The following KIF5B variants were observed in gnomAD, a reference collection of about 807,000 sequenced individuals.
KIF5B encodes kinesin family member 5B.
A neutral mutation model predicts 132.8 loss-of-function variants in KIF5B; 49 were observed. The observed-to-expected ratio is 0.37, with a 90% confidence interval of 0.29 to 0.47. The LOEUF is 0.47. Among genes scored for constraint, KIF5B ranks in the 20% least tolerant of loss-of-function variants. KIF5B has a pLI of 1.00. For synonymous variants in KIF5B, 355 were observed against 369.4 expected (o/e 0.96, Z 0.45); for missense variants, 780 against 1,144.0 (o/e 0.68, Z 4.59).
At chr10:32,019,185 G>C (rs1028532209) in intron 20 of KIF5B, among the ~76,000 whole-genome samples, 2 of 152,100 alleles carry the variant, frequency 1.3e-5, no homozygotes, top group African/African-American at 4.8e-5. Flanking sequence ...ATTAATTATA[G>C]ATTATAAACT....
At chr10:32,055,736 G>C in intron 1 of KIF5B, 112 bp downstream of exon 1, 10 of 1,391,580 alleles carry the variant, frequency 7.2e-6, no homozygotes, top group Non-Finnish European at 9.7e-6. Flanking sequence ...CGCCGGGGAG[G>C]GCTGGGGACA....
chr10:32,034,757 T>C lies in KIF5B; in HGVS notation c.1044A>G (p.Lys348=). The change falls in exon 11 of 26, where the codon AAA becomes AAG. Residue 348 remains lysine (K), a synonymous_variant. Transcript: ENST00000302418. ...EQWKKKYEKE[K]EKNKILRNTI... ...TGTTCCGCAGGATCTTATTTTTTTC[T>C]TTTTCTTTTTCATACTTCTTTTTCC... The C allele has an allele frequency of 1.2e-6, 2 of 1,610,204 alleles. No homozygotes were observed. Among genetic ancestry groups the C allele is most frequent in the Middle Eastern group, 1.7e-4 (1 of 5,974 alleles).
At chr10:32,015,390 T>C (rs757449614) in intron 25 of KIF5B, 119 bp downstream of exon 25, 10 of 694,846 alleles carry the variant, frequency 1.4e-5, no homozygotes, top group Non-Finnish European at 2.3e-5. Context: ...AAATTACTTT[T>C]ATAATGCTTA....
At chr10:32,011,998 T>C (rs1304582659) in intron 25 of KIF5B, among the ~76,000 whole-genome samples, 1 of 151,824 alleles carries the variant, frequency 6.6e-6, no homozygotes, top group Non-Finnish European at 1.5e-5. Flanking sequence ...AACAGTGAAA[T>C]AAATAATTCT....
intron 14 of KIF5B, among the ~76,000 whole-genome samples, chr10:32,029,313 C>A (rs562737730): frequency 6.6e-6 from 1 of 152,260 alleles, no homozygotes; most frequent in Admixed American, 6.5e-5. Context: ...TTGGACTTGC[C>A]AATTAGAAAT....
chr10:32,026,211 G>A (rs1302950883), intron 15 of KIF5B, among the ~76,000 whole-genome samples: 2 of 151,984 alleles, frequency 1.3e-5, no homozygotes, highest in East Asian at 3.9e-4. Flanking sequence ...GAGGTGGGCA[G>A]ATAAAGAGGT....
Position 32,018,644 on chromosome 10 carries a change from G to A in KIF5B, c.2307-82C>T, listed in dbSNP as rs1027984656. The A allele has an allele frequency of 3.6e-5, 36 of 1,010,044 alleles. No homozygotes were observed. In the African/African-American group the frequency reaches 4.0e-4, roughly 11 times the overall value. The allele number at this position is 1,010,044 out of a possible 1,614,324, so 62.6% of individuals were successfully genotyped here. A position where few individuals can be genotyped will look rare whatever the true frequency, so the allele number is the denominator to read the frequency against. On this transcript the variant is annotated intron_variant, in intron 20 of 25. Transcript: ENST00000302418. ...GCATGAGAGTTGAATAAAATATTTT[G>A]TGTCTGAAAGGATAAATTCTTAAAT...
chr10:32,039,516 C>A, intron 3 of KIF5B, 85 bp from the exon 4 acceptor site: 2 of 670,834 alleles, frequency 3.0e-6, no homozygotes, highest in Admixed American at 3.3e-5. Flanking sequence ...AACTTATAGT[C>A]AAGAAAGGAC....
chr10:32,047,797 T>G (rs1841633283), intron 2 of KIF5B, among the ~76,000 whole-genome samples: 1 of 152,202 alleles, frequency 6.6e-6, no homozygotes, highest in Admixed American at 6.5e-5. Flanking sequence ...AAGCACTTTG[T>G]AACAACTACA....
rs1222648254 is a variant in KIF5B at position 32,010,072 on chromosome 10, A to G, written c.*1465T>C. 6.6e-6 allele frequency: 1 copy of G among 152,218 alleles called. No homozygotes were observed. The highest frequency in any genetic ancestry group is 1.5e-5 in the Non-Finnish European group (1 of 68,020). 9.4% of individuals were successfully genotyped at this position (152,218 alleles called of 1,614,324 possible). A position where few individuals can be genotyped will look rare whatever the true frequency, so the allele number is the denominator to read the frequency against. On this transcript the variant is annotated 3_prime_UTR_variant, in exon 26 of 26. Coordinates refer to ENST00000302418, the MANE Select transcript of KIF5B (RefSeq NM_004521.3). The stretch of plus-strand genomic sequence containing the variant: ...GACTATGGCTCCAAATTTAATACAA[A>G]TATCTGTGTATAAAACTTTTGCAAA...
rs1054993015 is a variant in KIF5B at position 32,034,831 on chromosome 10, T to A, written c.970A>T (p.Thr324Ser). 3 of 1,586,946 alleles carry A rather than the reference T, an allele frequency of 1.9e-6. No individual in the cohort carries two copies. ...TTGACACAAACTGTGTTCTTAATTG[T>A]TTTGGCCCTAAGAGATGTAATTGGA... is the stretch of plus-strand genomic sequence containing the variant. ...STLLFGQRAK[T>S]IKNTVCVNVE... is the part of the protein sequence containing the mutation. Residue 324 changes from threonine (T) to serine (S), a missense_variant, in exon 11 of 26, where the codon ACA becomes TCA. This residue lies in a region of KIF5B where 15 missense variants were observed against 34.4 expected (regional missense o/e 0.44). Transcript: ENST00000302418.
At chr10:32,041,299 T>C (rs1340081206) in intron 2 of KIF5B, among the ~76,000 whole-genome samples, 1 of 152,182 alleles carries the variant, frequency 6.6e-6, no homozygotes, top group Non-Finnish European at 1.5e-5. Context: ...GTAATTTTCT[T>C]AGTGATGACC....
chr10:32,015,618 T>A lies in KIF5B; in HGVS notation c.2803A>T (p.Thr935Ser). Residue 935 changes from threonine to serine, a missense_variant, in exon 25 of 26, where the codon ACT becomes TCT. Coordinates refer to ENST00000302418, the MANE Select transcript of KIF5B (RefSeq NM_004521.3). ...CCTCCACGAATTGCACTTGGGTGAG[T>A]TGGAGAAGCTGCTGGATGTTGCCCG... ...RPGQHPAASPTHPSAIRGGGA... is the reference protein window; with the variant it reads ...RPGQHPAASPSHPSAIRGGGA... 1 of 1,613,610 alleles carries A rather than the reference T, an allele frequency of 6.2e-7. No homozygotes were observed. Among genetic ancestry groups the A allele is most frequent in the Non-Finnish European group, 8.5e-7 (1 of 1,179,660 alleles).
chr10:32,055,542 G>A (rs1284907022), intron 1 of KIF5B, among the ~76,000 whole-genome samples: 2 of 143,928 alleles, frequency 1.4e-5, no homozygotes. Context: ...ACACACACAC[G>A]CAGACAAACG....
intron 1 of KIF5B, 94 bp downstream of exon 1, chr10:32,055,754 T>C (rs1592458169): frequency 1.3e-6 from 2 of 1,496,654 alleles, no homozygotes; most frequent in East Asian, 4.8e-5. Context: ...ACACCGCCGC[T>C]CCCTTTCAAT....
Position 32,018,551 on chromosome 10 carries a change from T to C in KIF5B, c.2318A>G (p.Asp773Gly), listed in dbSNP as rs1164881802. Residue 773 changes from aspartate (D) to glycine (G), a missense_variant, in exon 21 of 26, where the codon GAT becomes GGT. Physicochemically the swap from Asp to Gly is moderately conservative, Grantham distance 94. Around this residue, in one of 9 missense-constraint regions of KIF5B, gnomAD observed 471 missense variants for 569.9 expected, o/e 0.83. Coordinates refer to ENST00000302418, the MANE Select transcript of KIF5B (RefSeq NM_004521.3). ...RKLHELTVMQ[D>G]RREQARQDLK... ...GTCTTGTCTTGCTTGTTCTCGTCTA[T>C]CTTGCATAACCCTAACAGTAGAAGA... 6.2e-7 allele frequency: 1 copy of C among 1,612,924 alleles called. No homozygotes were observed. The highest frequency in any genetic ancestry group is 2.2e-5 in the East Asian group (1 of 44,842).
intron 8 of KIF5B, 87 bp downstream of exon 8, chr10:32,037,167 T>G: frequency 7.9e-7 from 1 of 1,265,630 alleles, no homozygotes; most frequent in Non-Finnish European, 1.1e-6. Flanking sequence ...GTAAGTAAGA[T>G]GCAACAATGA....
chr10:32,037,410 A>G, intron 7 of KIF5B, 32 bp from the exon 8 acceptor site: 10 of 1,607,276 alleles, frequency 6.2e-6, no homozygotes, highest in Non-Finnish European at 8.5e-6. Flanking sequence ...AAATATAAAC[A>G]AACATGATTT....
At chr10:32,041,812 A>G (rs373168298) in intron 2 of KIF5B, among the ~76,000 whole-genome samples, 3 of 152,286 alleles carry the variant, frequency 2.0e-5, no homozygotes, top group African/African-American at 7.2e-5. Context: ...TTTTGTAGAG[A>G]CAGGGTCTTG....
Sources: allele counts gnomAD v4.1 joint callset (sites outside exome capture counted in the v4.1 genomes callset), GRCh38; gene constraint gnomAD v4.1.1; regional missense constraint gnomAD v4.1.1; transcripts MANE v1.5; gene names NCBI Gene and HGNC (gene_info 2026-07-23, HGNC 2026-07-21).